MALRD1: variants seen among roughly 807,000 people sequenced by gnomAD.
The protein encoded by MALRD1 is MAM and LDL receptor class A domain containing 1.
Under a neutral mutation model 242.1 loss-of-function variants are expected in MALRD1, and 247 were observed. That is an observed-to-expected ratio of 1.02 (90% CI 0.92 to 1.13). The LOEUF is 1.13. Among genes scored for constraint, MALRD1 ranks in the 50% most tolerant of loss-of-function variants. The pLI is 0.00. For synonymous variants in MALRD1, 995 were observed against 866.6 expected, an observed-to-expected ratio of 1.15 and a Z score of -2.60; for missense variants, 2,989 against 2,533.1, an observed-to-expected ratio of 1.18 and a Z score of -3.86.
At chr10:19,640,517 A>C (rs1840334486) in intron 36 of MALRD1, among the ~76,000 whole-genome samples, 1 of 152,164 alleles carries the variant, frequency 6.6e-6, no homozygotes, top group Non-Finnish European at 1.5e-5. Flanking sequence ...CAAATAAATA[A>C]ATGTCTGTGG....
intron 38 of MALRD1, among the ~76,000 whole-genome samples, chr10:19,717,267 G>A (rs1834435718): frequency 6.6e-6 from 1 of 152,092 alleles, no homozygotes; most frequent in East Asian, 1.9e-4. Flanking sequence ...CCACAAAGAT[G>A]CTTTATATGC....
intron 2 of MALRD1, among the ~76,000 whole-genome samples, chr10:19,071,421 T>A (rs1276472474): frequency 6.6e-6 from 1 of 151,924 alleles, no homozygotes; most frequent in East Asian, 1.9e-4. Flanking sequence ...TCTCTCAGAG[T>A]TTTTGCCTTG....
In MALRD1 at chr10:19,273,772, G is replaced by A. The variant is rs1840370143; in HGVS notation, c.3080-6275G>A. 2.6e-5 allele frequency among the ~76,000 whole-genome samples: 4 copies of A among 152,276 alleles called. No homozygotes were observed. The South Asian group carries it at 8.3e-4, about 32-fold the overall frequency. On this transcript the variant is annotated intron_variant, in intron 19 of 39. Transcript: ENST00000454679. ...GAGGATTTTTAGAGCAGTAAAACTA[G>A]TCTGCATGATACTGTAATTGCTGAT...
At chr10:19,621,548 G>T (rs1341257399) in intron 36 of MALRD1, among the ~76,000 whole-genome samples, 3 of 151,578 alleles carry the variant, frequency 2.0e-5, no homozygotes, top group Admixed American at 6.6e-5. Flanking sequence ...AAATGGAAAT[G>T]AGATAAAATA....
intron 32 of MALRD1, among the ~76,000 whole-genome samples, chr10:19,549,951 AGAGC>A (rs879648554): frequency 5.3e-5 from 8 of 152,320 alleles, no homozygotes; most frequent in East Asian, 3.9e-4. Flanking sequence ...AATATAATAG[AGAGC>A]AATGCCTCTC....
intron 32 of MALRD1, among the ~76,000 whole-genome samples, chr10:19,537,530 A>C (rs1404084383): frequency 6.6e-6 from 1 of 152,180 alleles, no homozygotes; most frequent in African/African-American, 2.4e-5. Flanking sequence ...CTTTCTCCAG[A>C]TATTCACAAG....
chr10:19,628,284 C>A (rs926095864), intron 36 of MALRD1, among the ~76,000 whole-genome samples: 2 of 152,074 alleles, frequency 1.3e-5, no homozygotes, highest in African/African-American at 4.8e-5. Flanking sequence ...ATACACGTTC[C>A]TTAATTCAAC....
intron 4 of MALRD1, among the ~76,000 whole-genome samples, chr10:19,094,102 A>G (rs1317477802): frequency 9.1e-6 from 1 of 109,898 alleles, no homozygotes; most frequent in Non-Finnish European, 1.9e-5. Flanking sequence ...GGCCTCCTTG[A>G]GCTGTGGTGG....
chr10:19,506,583 GAT>G (rs754924780), intron 31 of MALRD1, among the ~76,000 whole-genome samples: 38 of 150,984 alleles, frequency 2.5e-4, no homozygotes, highest in Middle Eastern at 3.4e-3. Flanking sequence ...ATATTGTTGA[GAT>G]ATATATATAT....
intron 36 of MALRD1, among the ~76,000 whole-genome samples, chr10:19,666,486 C>T (rs979032436): frequency 6.6e-6 from 1 of 152,172 alleles, no homozygotes; most frequent in African/African-American, 2.4e-5. Context: ...TCTCAAACTA[C>T]TGACCTCAAA....
rs552101861 is a variant in MALRD1 at position 19,620,773 on chromosome 10, T to C, written c.6137+4850T>C. On this transcript the variant is annotated intron_variant, in intron 36 of 39. Transcript: ENST00000454679. Reference sequence around the variant, plus strand: ...GCTCACAAAATAAATGATGAGTGAATGTAAAGTCCTGAAATTTCAAAGAAA... The same window carrying C: ...GCTCACAAAATAAATGATGAGTGAACGTAAAGTCCTGAAATTTCAAAGAAA... Among the ~76,000 whole-genome samples, 3 of 152,098 alleles carry C rather than the reference T, an allele frequency of 2.0e-5. No individual in the cohort carries two copies. In the East Asian group the frequency reaches 5.8e-4, roughly 30 times the overall value.
At chr10:19,216,260 G>A (rs1003712747) in intron 18 of MALRD1, among the ~76,000 whole-genome samples, 4 of 151,496 alleles carry the variant, frequency 2.6e-5, no homozygotes, top group Admixed American at 2.6e-4. Flanking sequence ...TGGGACTATA[G>A]GTGCCTGCCA....
intron 28 of MALRD1, among the ~76,000 whole-genome samples, chr10:19,396,103 T>C (rs1846563350): frequency 6.6e-6 from 1 of 151,768 alleles, no homozygotes; most frequent in South Asian, 2.1e-4. Context: ...AAATATTAAC[T>C]AATTCATTCA....
intron 30 of MALRD1, among the ~76,000 whole-genome samples, chr10:19,498,269 C>A (rs1332095541): frequency 1.3e-5 from 2 of 152,146 alleles, no homozygotes; most frequent in Non-Finnish European, 2.9e-5. Context: ...TTCGTCAATG[C>A]ATATAACTCC....
At chr10:19,124,043 CAAAA>C (rs71387044) in intron 6 of MALRD1, among the ~76,000 whole-genome samples, 3 of 87,286 alleles carry the variant, frequency 3.4e-5, no homozygotes, top group Non-Finnish European at 5.0e-5. Context: ...TCATCTCTAC[CAAAA>C]AAAAAAAAAA....
chr10:19,284,167 G>C (rs909026535), intron 21 of MALRD1, among the ~76,000 whole-genome samples: 3 of 151,692 alleles, frequency 2.0e-5, no homozygotes, highest in Non-Finnish European at 4.4e-5. Context: ...TAAGGCTTTT[G>C]TCCATTTTGA....
At chr10:19,683,971 C>A (rs1842474977) in intron 36 of MALRD1, among the ~76,000 whole-genome samples, 1 of 152,042 alleles carries the variant, frequency 6.6e-6, no homozygotes, top group African/African-American at 2.4e-5. Context: ...ATGTTCCCCT[C>A]CCTGTGTCCA....
At chr10:19,123,628 A>G (rs768076579) in intron 6 of MALRD1, 35 bp downstream of exon 6, 197 of 1,133,180 alleles carry the variant, frequency 1.7e-4, no homozygotes, top group Non-Finnish European at 2.1e-4. Flanking sequence ...CTTTTCTGGT[A>G]TATATGCAAT....
At chr10:19,234,676 T>A (rs2131708251) in intron 18 of MALRD1, among the ~76,000 whole-genome samples, 1 of 152,270 alleles carries the variant, frequency 6.6e-6, no homozygotes, top group Non-Finnish European at 1.5e-5. Context: ...AGATATAATC[T>A]TTTGTTCCTT....
Sources: gnomAD v4.1 joint callset for allele counts (sites outside exome capture counted in the v4.1 genomes callset) on GRCh38, gnomAD v4.1.1 for gene constraint, MANE v1.5 for transcripts, NCBI Gene and HGNC (gene_info 2026-07-23, HGNC 2026-07-21) for gene names.